The following ACACA variants were observed in gnomAD, a reference collection of about 807,000 sequenced individuals.
ACACA encodes acetyl-CoA carboxylase alpha, also known as acetyl-CoA carboxylase 1.
In ACACA, 103 loss-of-function variants were observed where a neutral mutation model predicts 296.1. That is an observed-to-expected ratio of 0.35 (90% CI 0.30 to 0.41). The LOEUF is 0.41. Among genes scored for constraint, ACACA ranks in the 10% least tolerant of loss-of-function variants. The pLI, the probability that ACACA is intolerant of heterozygous loss-of-function variation, is 1.00. For synonymous variants in ACACA, 953 were observed against 1,038.6 expected (o/e 0.92, Z 1.58); for missense variants, 1,554 against 2,989.7 (o/e 0.52, Z 11.20).
At chr17:37,263,106 A>G (rs181552392) in intron 11 of ACACA, among the ~76,000 whole-genome samples, 8 of 152,318 alleles carry the variant, frequency 5.3e-5, no homozygotes, top group Non-Finnish European at 8.8e-5. Flanking sequence ...CATAGGAAAT[A>G]GACCTCTAAC....
At chr17:37,261,265 G>A (rs2081502962) in intron 11 of ACACA, among the ~76,000 whole-genome samples, 1 of 152,156 alleles carries the variant, frequency 6.6e-6, no homozygotes, top group Non-Finnish European at 1.5e-5. Flanking sequence ...CAAACGTGCT[G>A]CTTTAGTTTC....
At chr17:37,315,889 T>C (rs145229752) in intron 3 of ACACA, among the ~76,000 whole-genome samples, 244 of 152,248 alleles carry the variant, frequency 1.6e-3, no homozygotes, top group Non-Finnish European at 9.1e-4. Flanking sequence ...ATTAGCTCAA[T>C]TTTCAGCCCC....
At chr17:37,181,411 C>T in intron 39 of ACACA, 55 bp from the exon 40 acceptor site, 1 of 1,602,602 alleles carries the variant, frequency 6.2e-7, no homozygotes, top group Non-Finnish European at 8.5e-7. Context: ...AATCAGAGAG[C>T]TGCCTAGAGG....
At chr17:37,289,553 A>C (rs2082947645) in intron 3 of ACACA, 1 of 1,285,186 alleles carries the variant, frequency 7.8e-7, no homozygotes, top group Non-Finnish European at 1.0e-6. Context: ...ATGTCAATCA[A>C]AATGCAAACT....
intron 1 of ACACA, among the ~76,000 whole-genome samples, chr17:37,398,248 G>C (rs1474893399): frequency 8.1e-6 from 1 of 124,116 alleles, no homozygotes; most frequent in Non-Finnish European, 1.7e-5. Flanking sequence ...AAAAAAAACA[G>C]TTTGGCCTCC....
At chr17:37,379,412 C>A (rs1352328826) in intron 1 of ACACA, 2 of 1,602,400 alleles carry the variant, frequency 1.2e-6, no homozygotes, top group Non-Finnish European at 1.7e-6. Context: ...AGGGGGCAGG[C>A]ACTAACTTTT....
At chr17:37,294,781 T>C (rs2083250049) in intron 3 of ACACA, among the ~76,000 whole-genome samples, 1 of 152,220 alleles carries the variant, frequency 6.6e-6, no homozygotes, top group Non-Finnish European at 1.5e-5. Flanking sequence ...TTTGGAGAAG[T>C]TGAGGTCTGG....
intron 52 of ACACA, among the ~76,000 whole-genome samples, chr17:37,103,177 C>T (rs937715696): frequency 2.0e-5 from 3 of 152,268 alleles, no homozygotes; most frequent in South Asian, 2.1e-4. Context: ...CAGCCAGCCC[C>T]GGTAATGATT....
intron 35 of ACACA, among the ~76,000 whole-genome samples, chr17:37,195,741 G>A (rs1378630266): frequency 6.6e-6 from 1 of 152,016 alleles, no homozygotes; most frequent in Non-Finnish European, 1.5e-5. Context: ...CAGAAAAGAA[G>A]AAATCTAAAA....
intron 1 of ACACA, among the ~76,000 whole-genome samples, chr17:37,346,926 A>G (rs1285198552): frequency 6.6e-6 from 1 of 151,994 alleles, no homozygotes; most frequent in Non-Finnish European, 1.5e-5. Context: ...TGGACTGTGG[A>G]CTTCTGAGTT....
intron 1 of ACACA, chr17:37,365,501 G>T: frequency 1.0e-6 from 1 of 985,464 alleles, no homozygotes; most frequent in Non-Finnish European, 1.2e-6. Flanking sequence ...TCTCTGAGAG[G>T]CAAAGCCTCC....
chr17:37,153,361 T>C (rs1420176693), intron 43 of ACACA, among the ~76,000 whole-genome samples: 1 of 152,212 alleles, frequency 6.6e-6, no homozygotes, highest in Non-Finnish European at 1.5e-5. Context: ...CAAGATATTT[T>C]AAATTTTTGA....
intron 3 of ACACA, among the ~76,000 whole-genome samples, chr17:37,324,750 G>A (rs1376309205): frequency 1.4e-5 from 2 of 141,208 alleles, no homozygotes; most frequent in African/African-American, 2.7e-5. Flanking sequence ...CAGGAGAATT[G>A]CTTGAACCCG....
chr17:37,256,807 A>G (rs530451899), intron 14 of ACACA, among the ~76,000 whole-genome samples: 47 of 152,308 alleles, frequency 3.1e-4, no homozygotes, highest in African/African-American at 1.1e-3. Context: ...AAACAACCAT[A>G]TATTAGGATT....
At chr17:37,247,887 A>AT (rs34102178) in intron 18 of ACACA, 124 bp downstream of exon 18, 146,861 of 1,012,770 alleles carry the variant, frequency 0.15, 2,339 homozygotes, top group African/African-American at 0.22. Flanking sequence ...TGCATGTACT[A>AT]TTTTTTTTTT....
At chr17:37,215,808 C>T (rs2078954773) in intron 29 of ACACA, among the ~76,000 whole-genome samples, 1 of 151,394 alleles carries the variant, frequency 6.6e-6, no homozygotes. Context: ...CTAAGACTCA[C>T]TAGGGAAAGA....
At chr17:37,206,096 A>T (rs550738270) in intron 32 of ACACA, among the ~76,000 whole-genome samples, 2 of 152,354 alleles carry the variant, frequency 1.3e-5, no homozygotes, top group East Asian at 3.9e-4. Context: ...CAGCAGAGGC[A>T]TTAGTAACAG....
At chr17:37,325,128 G>A (rs1014528373) in intron 3 of ACACA, among the ~76,000 whole-genome samples, 1 of 151,562 alleles carries the variant, frequency 6.6e-6, no homozygotes, top group African/African-American at 2.4e-5. Flanking sequence ...TTGAACCCAG[G>A]AGGCGGAGGT....
At chr17:37,388,130 A>G (rs1233614411) in intron 1 of ACACA, among the ~76,000 whole-genome samples, 1 of 152,168 alleles carries the variant, frequency 6.6e-6, no homozygotes, top group Non-Finnish European at 1.5e-5. Flanking sequence ...GTGCCACTGC[A>G]TGCCAGTCTT....
Sources: allele counts gnomAD v4.1 joint callset (sites outside exome capture counted in the v4.1 genomes callset), GRCh38; gene constraint gnomAD v4.1.1; transcripts MANE v1.5; gene names NCBI Gene and HGNC (gene_info 2026-07-23, HGNC 2026-07-21).